The following FOXP2 variants were observed in gnomAD, a reference collection of about 807,000 sequenced individuals.
The protein encoded by FOXP2 is forkhead box P2, also known as forkhead box protein P2.
In FOXP2, 12 loss-of-function variants were observed where a neutral mutation model predicts 115.8. That is an observed-to-expected ratio of 0.10 (90% CI 0.07 to 0.17). The LOEUF is 0.17. Among genes scored for constraint, FOXP2 ranks in the 10% least tolerant of loss-of-function variants. The pLI is 1.00. For missense variants in FOXP2, 629 were observed against 843.5 expected, an observed-to-expected ratio of 0.75 and a Z score of 3.15; for synonymous variants, 328 against 297.7, an observed-to-expected ratio of 1.10 and a Z score of -1.05.
Position 114,430,106 on chromosome 7 carries a change from A to G in FOXP2, c.168+3427A>G, listed in dbSNP as rs548996366. ...CCTTATTGAAGTTTTATGTTGACAT[A>G]TGAGTAAATAATAGTTTATAACAGC... On this transcript the variant is annotated intron_variant, in intron 2 of 16. Transcript: ENST00000350908. Among the ~76,000 whole-genome samples the G allele has an allele frequency of 1.1e-3, 163 of 151,742 alleles. 1 individual carries two copies. The highest frequency in any genetic ancestry group is 3.4e-3 in the Middle Eastern group (1 of 294).
chr7:114,329,883 G>T lies in FOXP2; in HGVS notation c.-11+41774G>T, dbSNP rs1451004231. 4.0e-5 allele frequency among the ~76,000 whole-genome samples: 6 copies of T among 151,788 alleles called. No individual in the cohort carries two copies. The East Asian group carries it at 1.2e-3, about 30-fold the overall frequency. On this transcript the variant is annotated intron_variant, in intron 2 of 17. Transcript: ENST00000634411. The stretch of plus-strand genomic sequence containing the variant: ...GTAGAGAAGGGGTTTCACCATATTG[G>T]CCAGGCTGGTCTCAAACTCCTGACC...
intron 2 of FOXP2, chr7:114,297,210 A>G (rs1796761790): frequency 4.2e-6 from 2 of 481,694 alleles, no homozygotes; most frequent in Admixed American, 5.1e-5. Context: ...CCTTTTCTCG[A>G]TGAAACTTGA....
chr7:114,107,718 CTG>C (rs983569116), intron 1 of FOXP2, among the ~76,000 whole-genome samples: 2 of 151,896 alleles, frequency 1.3e-5, no homozygotes, highest in Non-Finnish European at 2.9e-5. Flanking sequence ...AAAGTGGTTA[CTG>C]TGTGTGGGTA....
intron 2 of FOXP2, among the ~76,000 whole-genome samples, chr7:114,480,767 G>A (rs183066256): frequency 3.3e-4 from 49 of 149,284 alleles, no homozygotes; most frequent in Non-Finnish European, 4.0e-4. Flanking sequence ...ATATATATAC[G>A]TATACATACA....
At chr7:114,169,388 C>A in intron 1 of FOXP2, among the ~76,000 whole-genome samples, 1 of 152,228 alleles carries the variant, frequency 6.6e-6, no homozygotes, top group African/African-American at 2.4e-5. Context: ...TAAAGGAGAT[C>A]ATTTTGGAGC....
intron 1 of FOXP2, among the ~76,000 whole-genome samples, chr7:114,253,015 G>C (rs899979236): frequency 6.6e-6 from 1 of 152,150 alleles, no homozygotes; most frequent in African/African-American, 2.4e-5. Flanking sequence ...TGGTTTCCAA[G>C]AACATCATTA....
chr7:114,168,712 C>T (rs972418726), intron 1 of FOXP2, among the ~76,000 whole-genome samples: 1 of 152,166 alleles, frequency 6.6e-6, no homozygotes, highest in African/African-American at 2.4e-5. Context: ...AATGTGAATC[C>T]TCAAGACAAT....
At chr7:114,568,912 A>T (rs1187813639) in intron 3 of FOXP2, among the ~76,000 whole-genome samples, 1 of 151,954 alleles carries the variant, frequency 6.6e-6, no homozygotes, top group Non-Finnish European at 1.5e-5. Flanking sequence ...AAACTCCAGG[A>T]TCCCAACATG....
intron 3 of FOXP2, among the ~76,000 whole-genome samples, chr7:114,568,437 G>T (rs1230544485): frequency 6.7e-6 from 1 of 150,034 alleles, no homozygotes; most frequent in East Asian, 1.9e-4. Context: ...TTTTTTTGGG[G>T]GGGGGTTATT....
intron 1 of FOXP2, among the ~76,000 whole-genome samples, chr7:114,205,879 C>G (rs1269159641): frequency 6.6e-6 from 1 of 152,138 alleles, no homozygotes; most frequent in Non-Finnish European, 1.5e-5. Flanking sequence ...AAGATAAGTC[C>G]TTCATCCCAG....
chr7:114,276,786 T>C (rs1796199935), intron 1 of FOXP2, among the ~76,000 whole-genome samples: 1 of 152,192 alleles, frequency 6.6e-6, no homozygotes, highest in South Asian at 2.1e-4. Flanking sequence ...CTTGGAAGAA[T>C]TGATTTTTCA....
chr7:114,197,818 G>C (rs531326225), intron 1 of FOXP2, among the ~76,000 whole-genome samples: 19 of 151,800 alleles, frequency 1.3e-4, no homozygotes, highest in African/African-American at 4.6e-4. Flanking sequence ...GTGAAAGAAT[G>C]GTATAGTTAC....
At chr7:114,644,817 G>T in intron 8 of FOXP2, 28 bp downstream of exon 8, 5 of 1,563,038 alleles carry the variant, frequency 3.2e-6, no homozygotes, top group Non-Finnish European at 4.4e-6. Context: ...TTTTGGTGGG[G>T]GGCGGGGGCT....
At chr7:114,521,922 C>T (rs1300195860) in intron 2 of FOXP2, among the ~76,000 whole-genome samples, 2 of 152,116 alleles carry the variant, frequency 1.3e-5, no homozygotes, top group Non-Finnish European at 2.9e-5. Context: ...ATTTGCATCT[C>T]AGATATCTGG....
chr7:114,481,695 G>A (rs1796544579), intron 2 of FOXP2, among the ~76,000 whole-genome samples: 3 of 151,168 alleles, frequency 2.0e-5, no homozygotes, highest in Non-Finnish European at 3.0e-5. Flanking sequence ...TTCCCCCAGA[G>A]TATTTAATTC....
Position 114,638,088 on chromosome 7 carries a change from T to C in FOXP2, c.776-4322T>C, listed in dbSNP as rs764643285. On this transcript the variant is annotated intron_variant, in intron 6 of 16. Coordinates refer to ENST00000350908, the MANE Select transcript of FOXP2 (RefSeq NM_014491.4). ...ATAAACAGGAGCTTAGTTTTGAACATGGAAAGTTTAAGAAAACGGATAAGG... is the reference window on the plus strand; with the variant it reads ...ATAAACAGGAGCTTAGTTTTGAACACGGAAAGTTTAAGAAAACGGATAAGG... 1.6e-4 allele frequency among the ~76,000 whole-genome samples: 24 copies of C among 152,018 alleles called. 1 individual carries two copies. The highest frequency in any genetic ancestry group is 3.9e-4 in the Admixed American group (6 of 15,260).
chr7:114,628,711 T>C (rs1804728872), intron 4 of FOXP2, 34 bp downstream of exon 4: 2 of 1,613,592 alleles, frequency 1.2e-6, no homozygotes, highest in Non-Finnish European at 1.7e-6. Context: ...TGTTCTAGCA[T>C]GACTTAGAAG....
chr7:114,585,546 A>G (rs935503072), intron 3 of FOXP2, among the ~76,000 whole-genome samples: 2 of 151,536 alleles, frequency 1.3e-5, no homozygotes, highest in African/African-American at 4.9e-5. Flanking sequence ...AAATTTAAGA[A>G]GCACTGTAGT....
chr7:114,422,024 CTCTT>C (rs1303904898), intron 1 of FOXP2, among the ~76,000 whole-genome samples: 4 of 151,682 alleles, frequency 2.6e-5, no homozygotes, highest in Non-Finnish European at 4.4e-5. Context: ...TAATATTTAA[CTCTT>C]TCTTGTGTGA....
Sources: gnomAD v4.1 joint callset for allele counts (sites outside exome capture counted in the v4.1 genomes callset) on GRCh38, gnomAD v4.1.1 for gene constraint, MANE v1.5 for transcripts, NCBI Gene and HGNC (gene_info 2026-07-23, HGNC 2026-07-21) for gene names.